The following PERM1 variants were observed in gnomAD, a reference collection of about 807,000 sequenced individuals.
PERM1 encodes PPARGC1 and ESRR induced regulator, muscle 1.
A neutral mutation model predicts 44.1 loss-of-function variants in PERM1; 45 were observed. The observed-to-expected ratio is 1.02, with a 90% CI of 0.80 to 1.31. The LOEUF (loss-of-function observed/expected upper bound fraction) is 1.31, where lower values mean the gene tolerates loss of function less well. PERM1 is among the 50% of genes most tolerant of loss of function. PERM1 has a pLI of 0.00. For missense variants in PERM1, 1,189 were observed against 1,106.9 expected, an observed-to-expected ratio of 1.07 and a Z score of -1.05; for synonymous variants, 565 against 477.1, an observed-to-expected ratio of 1.18 and a Z score of -2.40.
At chr1:978,803 C>G in intron 1 of PERM1, 78 bp downstream of exon 2, 1 of 1,325,128 alleles carries the variant, frequency 7.5e-7, no homozygotes, top group Non-Finnish European at 1.0e-6. Flanking sequence ...CCGGCCCCTG[C>G]GGCCCCCTGC....
At chr1:980,215 G>A (rs947727148) in exon 1 of PERM1, 20 of 1,550,316 alleles carry the variant, frequency 1.3e-5, no homozygotes, top group Admixed American at 3.9e-5. Context: ...GGCTCGGCGC[G>A]GGGTTCTGAT....
chr1:980,161 T>C, exon 1 of PERM1: 1 of 1,550,400 alleles, frequency 6.4e-7, no homozygotes, highest in East Asian at 2.4e-5. Flanking sequence ...CCTTGAGACA[T>C]CTGGGAGGGC....
exon 1 of PERM1, chr1:980,294 C>T (rs1442814001): frequency 1.9e-6 from 3 of 1,550,244 alleles, no homozygotes; most frequent in Non-Finnish European, 2.6e-6. Context: ...GGTCTGTCTT[C>T]CTGCACAGGG....
exon 1 of PERM1, chr1:979,165 T>C (rs1215342262): frequency 1.3e-5 from 20 of 1,549,894 alleles, no homozygotes; most frequent in Admixed American, 2.0e-5. Context: ...GGCTCCAACG[T>C]CTGGGAAGAA....
At chr1:979,727 C>T in exon 1 of PERM1, 7 of 1,550,338 alleles carry the variant, frequency 4.5e-6, no homozygotes, top group Non-Finnish European at 6.1e-6. Flanking sequence ...ATCCTCGGCA[C>T]AGCCTCCGAG....
rs780403874 is a variant in PERM1 at position 980,060 on chromosome 1, A to G, written c.970T>C (p.Ser324Pro). The change falls in exon 1 of 3, where the codon TCT (serine) becomes CCT (proline). Residue 324 changes from serine to proline, a missense_variant. Transcript: ENST00000433179. ...GTAGACACAGCCATGTCCCTGTCAG[A>G]TTGCGGCTCGGAGGCAGGTGTAGAC... is the stretch of plus-strand genomic sequence containing the variant. 283 of 1,538,830 alleles carry G rather than the reference A, an allele frequency of 1.8e-4. 1 individual carries two copies. The African/African-American group carries it at 3.0e-3, about 16-fold the overall frequency.
intron 1 of PERM1, among the ~76,000 whole-genome samples, chr1:978,558 C>T (rs1643689828): frequency 6.6e-6 from 1 of 152,256 alleles, no homozygotes; most frequent in African/African-American, 2.4e-5. Context: ...GTGAGATGGG[C>T]CTCGTAGAGT....
chr1:982,081 G>A (rs558030838), upstream of PERM1: 33 of 1,288,108 alleles, frequency 2.6e-5, 1 homozygote, highest in South Asian at 1.6e-4. Flanking sequence ...CCCGGCGGCC[G>A]AGCTGGGCGT....
chr1:976,525 G>A (rs1324564224), exon 2 of PERM1: 1 of 1,549,594 alleles, frequency 6.5e-7, no homozygotes, highest in Admixed American at 2.0e-5. Context: ...TGGGGTATGC[G>A]GATCTGACGT....
chr1:979,895 C>G (rs1381575788), exon 1 of PERM1: 1 of 1,549,944 alleles, frequency 6.5e-7, no homozygotes, highest in Non-Finnish European at 8.7e-7. Flanking sequence ...GACTGAGGCT[C>G]AGAAGCTGGT....
chr1:981,198 G>A (rs1038141391), upstream of PERM1: 61 of 1,539,658 alleles, frequency 4.0e-5, no homozygotes, highest in East Asian at 7.4e-5. Flanking sequence ...ACAGCATCTC[G>A]AGGGGAGGGC....
chr1:980,067 C>A, exon 1 of PERM1: 4 of 1,549,600 alleles, frequency 2.6e-6, no homozygotes, highest in Non-Finnish European at 3.5e-6. Context: ...CAGATTGCGG[C>A]TCGGAGGCAG....
At chr1:981,198 G>C, upstream of PERM1, 1 of 1,539,776 alleles carries the variant, frequency 6.5e-7, no homozygotes, top group Non-Finnish European at 8.8e-7. Context: ...ACAGCATCTC[G>C]AGGGGAGGGC....
chr1:979,404 C>G, exon 1 of PERM1: 1 of 1,516,172 alleles, frequency 6.6e-7, no homozygotes, highest in Admixed American at 2.2e-5. Context: ...CAGCCACAGC[C>G]TCCCAGGCTC....
exon 1 of PERM1, chr1:979,107 A>C: frequency 6.5e-7 from 1 of 1,549,774 alleles, no homozygotes; most frequent in Non-Finnish European, 8.7e-7. Flanking sequence ...CCGGCACAGG[A>C]TCAGCTCTCG....
chr1:979,833 C>T (rs1570074248), exon 1 of PERM1: 1 of 1,549,810 alleles, frequency 6.5e-7, no homozygotes, highest in African/African-American at 1.4e-5. Context: ...TGGACACAGC[C>T]ACGTCCGTGT....
rs764219592 is a variant in PERM1, at chr1:978,938, C to G, written c.2092G>C (p.Gly698Arg). 517 of 1,507,308 alleles carry G rather than the reference C, an allele frequency of 3.4e-4. 3 individuals are homozygous for G. Among genetic ancestry groups the G allele is most frequent in the Non-Finnish European group, 4.3e-4 (488 of 1,124,600 alleles). The allele number at this position is 1,507,308 out of a possible 1,614,324, so 93.4% of individuals were successfully genotyped here. The stretch of plus-strand genomic sequence containing the variant: ...ACCACGGCTGGCTTGAGGGGGGTCC[C>G]AGGCCCCGCCCCCTCGGAGGCCGAC... The change falls in exon 1 of 3, where the codon GGG becomes CGG. Residue 698 changes from glycine to arginine, a missense_variant. This residue lies in a region of PERM1 where 900 missense variants were observed against 760.4 expected (regional missense o/e 1.18). Transcript: ENST00000433179.
exon 1 of PERM1, chr1:979,783 G>A (rs1465306885): frequency 1.1e-5 from 17 of 1,550,264 alleles, no homozygotes; most frequent in Non-Finnish European, 1.3e-5. Context: ...TGGGCCTGCT[G>A]TAGGCAAGGC....
At chr1:976,152 C>A in exon 3 of PERM1, 1 of 1,545,340 alleles carries the variant, frequency 6.5e-7, no homozygotes, top group South Asian at 1.2e-5. Context: ...TCCTGCATCT[C>A]CCTGGCCCGG....
Sources: allele counts gnomAD v4.1 joint callset (sites outside exome capture counted in the v4.1 genomes callset), GRCh38; gene constraint gnomAD v4.1.1; regional missense constraint gnomAD v4.1.1; transcripts MANE v1.5; gene names NCBI Gene and HGNC (gene_info 2026-07-23, HGNC 2026-07-21).